The following PCDH15 variants were observed in gnomAD, a reference collection of about 807,000 sequenced individuals.
PCDH15 encodes the protein protocadherin-15.
In PCDH15, 129 loss-of-function variants were observed where a neutral mutation model predicts 178.5. The ratio of observed to expected loss-of-function variants is 0.72; its 90% CI spans 0.63 to 0.84. PCDH15 has a LOEUF of 0.84. Among genes scored for constraint, PCDH15 ranks in the 40% least tolerant of loss-of-function variants. The pLI is 0.00. For missense variants in PCDH15, 2,230 were observed against 2,099.9 expected (o/e 1.06, Z -1.21); for synonymous variants, 800 against 732.0 (o/e 1.09, Z -1.50).
chr10:54,757,740 CAGAGAGAGAG>C (rs760710539), intron 1 of PCDH15, among the ~76,000 whole-genome samples: 2 of 151,474 alleles, frequency 1.3e-5, no homozygotes, highest in East Asian at 1.9e-4. Flanking sequence ...GAGAGAGAGA[CAGAGAGAGAG>C]AGAAGGGCTC....
In PCDH15 at chr10:53,804,997, A is replaced by AGAT. The variant is rs1841064164; in HGVS notation, c.*1579_*1581dup. 2 of 151,974 alleles carry AGAT rather than the reference A, an allele frequency of 1.3e-5. No individual in the cohort carries two copies. 9.4% of individuals were successfully genotyped at this position (151,974 alleles called of 1,614,324 possible). A position where few individuals can be genotyped will look rare whatever the true frequency, so the allele number is the denominator to read the frequency against. Reference sequence around the variant, plus strand: ...GCATTAATTCTCAATAAAATAAGGTAGATGAGATGTTACTGTATTTGATCT... The same window carrying AGAT: ...GCATTAATTCTCAATAAAATAAGGTAGATGATGAGATGTTACTGTATTTGATCT... On this transcript the variant is annotated 3_prime_UTR_variant, in exon 38 of 38. Coordinates refer to ENST00000644397, the MANE Select transcript of PCDH15 (RefSeq NM_001384140.1).
chr10:54,405,574 AC>A (rs201178210), intron 3 of PCDH15, among the ~76,000 whole-genome samples: 2,970 of 152,026 alleles, frequency 0.02, 102 homozygotes, highest in African/African-American at 0.066. Context: ...AGGAAGAATA[AC>A]TAGTAGGTAC....
chr10:54,217,183 CAT>C (rs1447686802), intron 9 of PCDH15, among the ~76,000 whole-genome samples: 2 of 152,040 alleles, frequency 1.3e-5, no homozygotes, highest in Non-Finnish European at 2.9e-5. Flanking sequence ...TTTAGAGCTA[CAT>C]ATGTTATATA....
intron 1 of PCDH15, among the ~76,000 whole-genome samples, chr10:55,275,316 G>C (rs777793082): frequency 6.6e-6 from 1 of 151,344 alleles, no homozygotes; most frequent in South Asian, 2.1e-4. Flanking sequence ...TTGATTATTA[G>C]AAGTTCCTAA....
chr10:55,589,831 G>A (rs1842804845), intron 2 of PCDH15, among the ~76,000 whole-genome samples: 1 of 150,906 alleles, frequency 6.6e-6, no homozygotes, highest in South Asian at 2.1e-4. Flanking sequence ...TGGAGAGGAT[G>A]TGGGGAAATA....
intron 1 of PCDH15, among the ~76,000 whole-genome samples, chr10:55,296,176 C>G (rs77595067): frequency 0.026 from 4,011 of 152,204 alleles, 62 homozygotes; most frequent in East Asian, 0.042. Context: ...GCTACCCTCC[C>G]AACACCTCCA....
intron 3 of PCDH15, among the ~76,000 whole-genome samples, chr10:54,447,143 G>A (rs1193063319): frequency 6.6e-6 from 1 of 151,604 alleles, no homozygotes; most frequent in Non-Finnish European, 1.5e-5. Context: ...AAGCGTTGGT[G>A]TGTCAGTGTT....
intron 8 of PCDH15, among the ~76,000 whole-genome samples, chr10:54,267,201 G>A (rs2384434): frequency 6.5e-4 from 99 of 151,288 alleles, no homozygotes; most frequent in African/African-American, 2.3e-3. Flanking sequence ...CAACAGATAC[G>A]TTAAAGTATT....
intron 16 of PCDH15, among the ~76,000 whole-genome samples, chr10:54,083,886 A>T (rs10825227): frequency 0.78 from 119,170 of 151,992 alleles, 47,002 homozygotes; most frequent in African/African-American, 0.84. Context: ...CTCAATTATT[A>T]TAGAAAATAG....
At chr10:54,482,391 T>C (rs1409746221) in intron 3 of PCDH15, among the ~76,000 whole-genome samples, 10 of 151,804 alleles carry the variant, frequency 6.6e-5, no homozygotes, top group Non-Finnish European at 1.5e-4. Flanking sequence ...ATTCAAGTGA[T>C]AGAGATTGAT....
intron 2 of PCDH15, among the ~76,000 whole-genome samples, chr10:54,545,896 T>C (rs2085797655): frequency 6.6e-6 from 1 of 152,220 alleles, no homozygotes; most frequent in African/African-American, 2.4e-5. Context: ...CATTTGCGGA[T>C]AGGGTCTACC....
intron 2 of PCDH15, among the ~76,000 whole-genome samples, chr10:55,119,607 C>G (rs192765800): frequency 1.3e-5 from 2 of 152,202 alleles, no homozygotes; most frequent in African/African-American, 4.8e-5. Flanking sequence ...GAACTTCTTC[C>G]TCTTCCTCTG....
intron 2 of PCDH15, among the ~76,000 whole-genome samples, chr10:55,585,767 A>ATG (rs1246407451): frequency 6.6e-6 from 1 of 151,984 alleles, no homozygotes; most frequent in Non-Finnish European, 1.5e-5. Flanking sequence ...GTGTGTATAT[A>ATG]TATGTGTGTG....
intron 1 of PCDH15, among the ~76,000 whole-genome samples, chr10:55,189,162 C>T (rs1208451622): frequency 1.3e-5 from 2 of 151,752 alleles, no homozygotes; most frequent in Non-Finnish European, 1.5e-5. Flanking sequence ...CAATTCTGTT[C>T]CTCTCAAGAA....
At chr10:54,133,833 G>A (rs1003044224) in intron 14 of PCDH15, among the ~76,000 whole-genome samples, 20 of 149,470 alleles carry the variant, frequency 1.3e-4, no homozygotes, top group East Asian at 4.0e-4. Flanking sequence ...GCCCTCTATC[G>A]TGAAAAAACA....
At chr10:55,262,597 G>A (rs1842174447) in intron 1 of PCDH15, among the ~76,000 whole-genome samples, 1 of 152,154 alleles carries the variant, frequency 6.6e-6, no homozygotes, top group African/African-American at 2.4e-5. Context: ...GCAGAACAAT[G>A]CAGAGTTTGG....
chr10:54,300,971 C>G (rs1466518473), intron 8 of PCDH15, among the ~76,000 whole-genome samples: 2 of 152,150 alleles, frequency 1.3e-5, no homozygotes, highest in Non-Finnish European at 2.9e-5. Flanking sequence ...TGCTGCTGCT[C>G]ACTCTTTGGG....
rs1032524324 is a variant in PCDH15 at position 54,369,008 on chromosome 10, T to C, written c.474+112A>G. The C allele has an allele frequency of 1.2e-5, 15 of 1,223,940 alleles. No homozygotes were observed. The South Asian group carries it at 1.4e-4, about 12-fold the overall frequency. The allele number at this position is 1,223,940 out of a possible 1,614,324, so 75.8% of individuals were successfully genotyped here. A position where few individuals can be genotyped will look rare whatever the true frequency, so the allele number is the denominator to read the frequency against. ...TATTTTTTTAATGTTTTCTTGATATTTCTAAACAGTTAAGCTCATAATTTT... is the reference window on the plus strand; with the variant it reads ...TATTTTTTTAATGTTTTCTTGATATCTCTAAACAGTTAAGCTCATAATTTT... On this transcript the variant is annotated intron_variant, in intron 5 of 37. Coordinates refer to ENST00000644397, the MANE Select transcript of PCDH15 (RefSeq NM_001384140.1).
At chr10:53,885,689 C>A (rs1437533224) in intron 26 of PCDH15, among the ~76,000 whole-genome samples, 1 of 152,118 alleles carries the variant, frequency 6.6e-6, no homozygotes, top group African/African-American at 2.4e-5. Context: ...ATATGCCTCA[C>A]ACATTTTAAT....
Sources: allele counts gnomAD v4.1 joint callset (sites outside exome capture counted in the v4.1 genomes callset), GRCh38; gene constraint gnomAD v4.1.1; transcripts MANE v1.5; gene names NCBI Gene and HGNC (gene_info 2026-07-23, HGNC 2026-07-21).